Variants in AGMO observed in about 807,000 individuals in gnomAD.
AGMO encodes the protein alkylglycerol monooxygenase.
In AGMO, 75 loss-of-function variants were observed where a neutral mutation model predicts 60.2. The observed-to-expected ratio is 1.25, with a 90% CI of 1.03 to 1.51. The LOEUF is 1.51. AGMO is among the 40% of genes most tolerant of loss of function. AGMO has a pLI of 0.00. For missense variants in AGMO, 763 were observed against 525.5 expected (o/e 1.45, Z -4.42); for synonymous variants, 261 against 177.1 (o/e 1.47, Z -3.76).
chr7:15,419,345 T>G (rs1309089009), intron 4 of AGMO, among the ~76,000 whole-genome samples: 1 of 152,030 alleles, frequency 6.6e-6, no homozygotes, highest in South Asian at 2.1e-4. Flanking sequence ...CTGCTTGTTC[T>G]GCTAATGACT....
chr7:15,203,628 G>A (rs1583289128), intron 12 of AGMO, among the ~76,000 whole-genome samples: 1 of 151,626 alleles, frequency 6.6e-6, no homozygotes. Flanking sequence ...GAAGACCTTT[G>A]CTTAGGCCAG....
intron 8 of AGMO, 110 bp from the exon 9 acceptor site, chr7:15,387,650 C>T (rs1583491853): frequency 6.2e-6 from 6 of 971,458 alleles, no homozygotes; most frequent in Admixed American, 2.7e-5. Flanking sequence ...GTATTTAAAA[C>T]GTTATGCCTG....
chr7:15,287,113 A>G (rs1261897388), intron 12 of AGMO, among the ~76,000 whole-genome samples: 1 of 152,140 alleles, frequency 6.6e-6, no homozygotes, highest in Non-Finnish European at 1.5e-5. Context: ...AAAACTACAT[A>G]CTGGGTACGA....
chr7:15,381,316 T>TC (rs1783674444), intron 10 of AGMO, among the ~76,000 whole-genome samples: 1 of 151,954 alleles, frequency 6.6e-6, no homozygotes, highest in South Asian at 2.1e-4. Flanking sequence ...CTATAGGAAC[T>TC]TAAACACATT....
chr7:15,530,684 ATATG>A (rs1188795494), intron 3 of AGMO, among the ~76,000 whole-genome samples: 1 of 141,186 alleles, frequency 7.1e-6, no homozygotes, highest in Non-Finnish European at 1.5e-5. Flanking sequence ...TATATTCTAT[ATATG>A]TATTTCTACA....
chr7:15,344,939 A>T (rs551126544), intron 12 of AGMO, among the ~76,000 whole-genome samples: 5 of 152,216 alleles, frequency 3.3e-5, no homozygotes, highest in Non-Finnish European at 5.9e-5. Flanking sequence ...GATGCAAAGA[A>T]TGAGAACAAT....
At chr7:15,389,290 G>A (rs1292632073) in intron 8 of AGMO, among the ~76,000 whole-genome samples, 3 of 127,020 alleles carry the variant, frequency 2.4e-5, no homozygotes, top group African/African-American at 9.5e-5. Context: ...TGCCCCTAGA[G>A]GATAGAGATG....
chr7:15,168,341 A>G, the AGMO span, among the ~76,000 whole-genome samples: 12 of 152,302 alleles, frequency 7.9e-5, no homozygotes, highest in African/African-American at 2.9e-4. Context: ...ATAAATAAAT[A>G]AATAAAAAGG....
chr7:15,240,312 AAATT>A (rs778367186), intron 12 of AGMO, among the ~76,000 whole-genome samples: 46 of 152,190 alleles, frequency 3.0e-4, no homozygotes, highest in Non-Finnish European at 5.7e-4. Context: ...GTATACTAAA[AAATT>A]AATTGCTTGT....
intron 12 of AGMO, among the ~76,000 whole-genome samples, chr7:15,297,568 TG>T (rs1240563679): frequency 2.0e-5 from 3 of 152,196 alleles, no homozygotes; most frequent in Non-Finnish European, 4.4e-5. Flanking sequence ...GTGTTGCATT[TG>T]GCCACGAAGT....
chr7:15,376,200 A>G (rs1285866427), intron 10 of AGMO, among the ~76,000 whole-genome samples: 1 of 151,766 alleles, frequency 6.6e-6, no homozygotes, highest in Non-Finnish European at 1.5e-5. Flanking sequence ...TTTTTCCCCC[A>G]CATTACGTAA....
Position 15,354,379 on chromosome 7 carries a change from T to C in AGMO, c.1263+11135A>G, listed in dbSNP as rs368446332. The stretch of plus-strand genomic sequence containing the variant: ...AGACGTGTGTATATAGACGTGTGTA[T>C]ACACGTGTGTGTATACACGTGTGTG... On this transcript the variant is annotated intron_variant, in intron 12 of 12. Transcript: ENST00000342526. 1.4e-3 allele frequency among the ~76,000 whole-genome samples: 77 copies of C among 54,384 alleles called. 2 individuals are homozygous for C. Among genetic ancestry groups the C allele is most frequent in the South Asian group, 4.2e-3 (7 of 1,668 alleles). 35.7% of individuals were successfully genotyped at this position (54,384 alleles called of 152,430 possible).
intron 12 of AGMO, among the ~76,000 whole-genome samples, chr7:15,290,281 C>T (rs978886629): frequency 6.6e-6 from 1 of 152,072 alleles, no homozygotes; most frequent in East Asian, 1.9e-4. Context: ...CCTGCCTCGG[C>T]CTCCCGAAGT....
At chr7:15,467,148 G>T (rs1458765300) in intron 3 of AGMO, among the ~76,000 whole-genome samples, 1 of 152,040 alleles carries the variant, frequency 6.6e-6, no homozygotes, top group African/African-American at 2.4e-5. Flanking sequence ...TAGTCTCTGG[G>T]GATTTTATAT....
chr7:15,199,942 C>A (rs1403594127), downstream of AGMO, among the ~76,000 whole-genome samples: 1 of 152,150 alleles, frequency 6.6e-6, no homozygotes, highest in Non-Finnish European at 1.5e-5. Flanking sequence ...CCTCAGTTCA[C>A]ATAGACACCT....
chr7:15,467,062 A>G (rs1448723067), intron 3 of AGMO, among the ~76,000 whole-genome samples: 1 of 152,214 alleles, frequency 6.6e-6, no homozygotes, highest in Non-Finnish European at 1.5e-5. Context: ...AATTATGGAT[A>G]ATATAGTTCT....
chr7:15,188,258 G>A, the AGMO span, among the ~76,000 whole-genome samples: 1 of 152,100 alleles, frequency 6.6e-6, no homozygotes, highest in Non-Finnish European at 1.5e-5. Flanking sequence ...GTATGATTTT[G>A]AGTAAACTGC....
intron 12 of AGMO, among the ~76,000 whole-genome samples, chr7:15,278,058 G>A (rs1328849659): frequency 5.9e-5 from 9 of 152,060 alleles, no homozygotes; most frequent in African/African-American, 2.2e-4. Flanking sequence ...ATGACTCTCA[G>A]GTTAGATGCA....
At chr7:15,306,335 C>T in intron 12 of AGMO, 1 of 233,360 alleles carries the variant, frequency 4.3e-6, no homozygotes, top group Non-Finnish European at 9.0e-6. Context: ...TTATATGAAT[C>T]CAGGGTAACT....
Sources: gnomAD v4.1 joint callset for allele counts (sites outside exome capture counted in the v4.1 genomes callset) on GRCh38, gnomAD v4.1.1 for gene constraint, MANE v1.5 for transcripts, NCBI Gene and HGNC (gene_info 2026-07-23, HGNC 2026-07-21) for gene names.